Variants in PHF21A observed in about 807,000 individuals in gnomAD.
PHF21A encodes the protein PHD finger protein 21A, also known as BHC80a.
Under a neutral mutation model 82.5 loss-of-function variants are expected in PHF21A, and 11 were observed. The ratio of observed to expected loss-of-function variants is 0.13; its 90% confidence interval spans 0.08 to 0.22. The LOEUF (loss-of-function observed/expected upper bound fraction) is 0.22. Ranked by LOEUF, PHF21A falls within the 10% of genes least tolerant of loss-of-function variation. The pLI, the probability that PHF21A is intolerant of heterozygous loss-of-function variation, is 1.00. For synonymous variants in PHF21A, 297 were observed against 302.8 expected (o/e 0.98, Z 0.20); for missense variants, 579 against 837.8 (o/e 0.69, Z 3.81).
intron 6 of PHF21A, among the ~76,000 whole-genome samples, chr11:46,030,812 T>TGTGTGTGC (rs1356659666): frequency 9.9e-6 from 1 of 100,922 alleles, no homozygotes; most frequent in East Asian, 3.0e-4. Context: ...ACATAGTGTG[T>TGTGTGTGC]GTGTGTGCGT....
At chr11:46,097,709 C>T (rs978859151) in intron 1 of PHF21A, among the ~76,000 whole-genome samples, 1 of 152,098 alleles carries the variant, frequency 6.6e-6, no homozygotes, top group African/African-American at 2.4e-5. Flanking sequence ...ATCCTAATTC[C>T]CAATTCTTCC....
intron 1 of PHF21A, among the ~76,000 whole-genome samples, chr11:46,114,682 A>C (rs2097266004): frequency 6.6e-6 from 1 of 152,206 alleles, no homozygotes; most frequent in Admixed American, 6.5e-5. Context: ...ATTTAAAAAA[A>C]ACACACACAA....
At chr11:45,971,433 T>TA in intron 7 of PHF21A, 66 bp from the exon 8 acceptor site, 4 of 1,375,648 alleles carry the variant, frequency 2.9e-6, no homozygotes, top group Non-Finnish European at 4.0e-6. Context: ...TAAATCCCAC[T>TA]AAACAATATG....
chr11:46,105,951 C>T (rs528171932), intron 1 of PHF21A, among the ~76,000 whole-genome samples: 2 of 152,224 alleles, frequency 1.3e-5, no homozygotes, highest in African/African-American at 4.8e-5. Flanking sequence ...TATTTAATTA[C>T]ACAAATATAA....
chr11:45,989,222 T>C (rs187055129), intron 6 of PHF21A, among the ~76,000 whole-genome samples: 99 of 152,344 alleles, frequency 6.5e-4, no homozygotes, highest in African/African-American at 2.2e-3. Flanking sequence ...TGAACTCATC[T>C]TTCAGAATTT....
intron 6 of PHF21A, among the ~76,000 whole-genome samples, chr11:46,063,221 T>C (rs769258116): frequency 6.6e-6 from 1 of 152,232 alleles, no homozygotes; most frequent in Non-Finnish European, 1.5e-5. Context: ...GAGCTCTTAC[T>C]ATTCTGTATA....
At chr11:46,046,431 C>A (rs750181359) in intron 6 of PHF21A, among the ~76,000 whole-genome samples, 4 of 152,134 alleles carry the variant, frequency 2.6e-5, no homozygotes, top group Admixed American at 6.5e-5. Context: ...CAAACCCAAA[C>A]CAAAAAACCT....
chr11:46,102,422 A>G (rs1017277797), intron 1 of PHF21A, among the ~76,000 whole-genome samples: 1 of 152,266 alleles, frequency 6.6e-6, no homozygotes, highest in African/African-American at 2.4e-5. Context: ...GACATGTAAA[A>G]GATCAATATA....
rs1311443937 is a variant in PHF21A, at chr11:45,929,655, TA to T, written c.*4312del. On this transcript the variant is annotated 3_prime_UTR_variant, in exon 19 of 19. Transcript: ENST00000676320. ...GGTCCAAAGGCTGCTGGGGAAGGGG[TA>T]GGGGGGTGGGGTCCTCAGGGAGGAA... The T allele has an allele frequency of 2.0e-5, 3 of 150,624 alleles. No homozygotes were observed. Among genetic ancestry groups the T allele is most frequent in the African/African-American group, 7.4e-5 (3 of 40,764 alleles). The allele number at this position is 150,624 out of a possible 1,614,324, so 9.3% of individuals were successfully genotyped here.
At chr11:46,081,105 A>C (rs144976266) in intron 4 of PHF21A, among the ~76,000 whole-genome samples, 112 of 152,344 alleles carry the variant, frequency 7.4e-4, no homozygotes, top group Non-Finnish European at 1.5e-3. Context: ...AGTAAAATGT[A>C]TAATCTTTGG....
At position 45,931,547 on chromosome 11, in the gene PHF21A, A is replaced by G. The variant is rs2087654268; in HGVS notation, c.*2421T>C. The G allele has an allele frequency of 6.6e-6, 1 of 152,290 alleles. No individual in the cohort carries two copies. The highest frequency in any genetic ancestry group is 1.5e-5 in the Non-Finnish European group (1 of 68,066). 9.4% of individuals were successfully genotyped at this position (152,290 alleles called of 1,614,324 possible). ...TTCTTCTGAGGCCCCTGGGAAGATGAAAGGCGATGGCTGATAGAGATGAGA... is the reference window on the plus strand; with the variant it reads ...TTCTTCTGAGGCCCCTGGGAAGATGGAAGGCGATGGCTGATAGAGATGAGA... On this transcript the variant is annotated 3_prime_UTR_variant, in exon 19 of 19. Transcript: ENST00000676320.
chr11:46,006,649 A>G (rs1477615024), intron 6 of PHF21A, among the ~76,000 whole-genome samples: 1 of 152,228 alleles, frequency 6.6e-6, no homozygotes, highest in Admixed American at 6.5e-5. Context: ...ATTTCAGCTG[A>G]AACTAGTTTA....
intron 1 of PHF21A, among the ~76,000 whole-genome samples, chr11:46,115,689 CAT>C (rs768043819): frequency 1.4e-3 from 215 of 152,194 alleles, no homozygotes; most frequent in Admixed American, 5.2e-3. Flanking sequence ...AAAATTCAAA[CAT>C]GTTTCAAGAA....
rs1045809049 is a variant in PHF21A at position 46,051,737 on chromosome 11, G to A, written c.153+25017C>T. The stretch of plus-strand genomic sequence containing the variant: ...GGACACTGGTCTCTGCTACCACGAA[G>A]GAAGATATTAGAGGAAGACAAAGGA... On this transcript the variant is annotated intron_variant, in intron 6 of 18. Coordinates refer to ENST00000676320, the MANE Select transcript of PHF21A (RefSeq NM_001352027.3). Among the ~76,000 whole-genome samples, 24 of 152,126 alleles carry A rather than the reference G, an allele frequency of 1.6e-4. 1 individual carries two copies. Among genetic ancestry groups the A allele is most frequent in the Admixed American group, 7.9e-4 (12 of 15,270 alleles).
At chr11:46,108,467 A>G (rs2097175557) in intron 1 of PHF21A, among the ~76,000 whole-genome samples, 1 of 151,828 alleles carries the variant, frequency 6.6e-6, no homozygotes. Flanking sequence ...CATGAGCCCT[A>G]TTTTCAAAAA....
chr11:46,095,035 T>C (rs1295180814), intron 1 of PHF21A, among the ~76,000 whole-genome samples: 2 of 152,196 alleles, frequency 1.3e-5, no homozygotes, highest in African/African-American at 4.8e-5. Flanking sequence ...TGGAAGAGGG[T>C]CCACGGCTTT....
chr11:46,066,387 A>G (rs577107776), intron 6 of PHF21A, among the ~76,000 whole-genome samples: 49 of 152,326 alleles, frequency 3.2e-4, no homozygotes, highest in Non-Finnish European at 5.3e-4. Flanking sequence ...GTTTTTAAAA[A>G]TTAATATGTG....
chr11:46,066,620 G>T (rs999087073), intron 6 of PHF21A, among the ~76,000 whole-genome samples: 2 of 152,256 alleles, frequency 1.3e-5, no homozygotes, highest in African/African-American at 4.8e-5. Context: ...GATTACTTGA[G>T]CCCAGGAGTT....
chr11:46,103,946 A>C (rs1317979068), intron 1 of PHF21A, among the ~76,000 whole-genome samples: 2 of 152,202 alleles, frequency 1.3e-5, no homozygotes, highest in Admixed American at 6.5e-5. Flanking sequence ...TATTTACCCC[A>C]AAACTCCTCA....
Sources: allele counts gnomAD v4.1 joint callset (sites outside exome capture counted in the v4.1 genomes callset), GRCh38; gene constraint gnomAD v4.1.1; transcripts MANE v1.5; gene names NCBI Gene and HGNC (gene_info 2026-07-23, HGNC 2026-07-21).